MAPKAP1: variants seen among roughly 807,000 people sequenced by gnomAD.
MAPKAP1 encodes the protein target of rapamycin complex 2 subunit MAPKAP1.
Under a neutral mutation model 65.7 loss-of-function variants are expected in MAPKAP1, and 20 were observed. The observed-to-expected ratio is 0.30, with a 90% confidence interval of 0.21 to 0.44. The LOEUF is 0.44. Ranked by LOEUF, MAPKAP1 falls within the 20% of genes least tolerant of loss-of-function variation. MAPKAP1 has a pLI of 1.00. For synonymous variants in MAPKAP1, 222 were observed against 244.3 expected, an observed-to-expected ratio of 0.91 and a Z score of 0.85; for missense variants, 423 against 648.0, an observed-to-expected ratio of 0.65 and a Z score of 3.77.
At chr9:125,664,518 A>C (rs1834281949) in intron 3 of MAPKAP1, among the ~76,000 whole-genome samples, 1 of 151,472 alleles carries the variant, frequency 6.6e-6, no homozygotes, top group African/African-American at 2.4e-5. Flanking sequence ...TGAGGTCAGG[A>C]GTTTGAGACC....
chr9:125,662,359 G>A (rs1166677970), intron 3 of MAPKAP1, among the ~76,000 whole-genome samples: 1 of 152,158 alleles, frequency 6.6e-6, no homozygotes, highest in Non-Finnish European at 1.5e-5. Context: ...TCTAGCCCCG[G>A]TGAGAGTGCA....
chr9:125,665,368 C>G (rs1834310844), intron 3 of MAPKAP1, among the ~76,000 whole-genome samples: 1 of 151,970 alleles, frequency 6.6e-6, no homozygotes, highest in Non-Finnish European at 1.5e-5. Context: ...TACTATATAC[C>G]CTGAGCTGAT....
chr9:125,624,587 A>G (rs1227400009), intron 4 of MAPKAP1, among the ~76,000 whole-genome samples: 1 of 50,226 alleles, frequency 2.0e-5, no homozygotes, highest in Non-Finnish European at 4.0e-5. Flanking sequence ...CCGCCCGGCC[A>G]GCCGCCCCGT....
intron 3 of MAPKAP1, among the ~76,000 whole-genome samples, chr9:125,664,763 A>G (rs1220910239): frequency 6.6e-6 from 1 of 151,476 alleles, no homozygotes; most frequent in Non-Finnish European, 1.5e-5. Context: ...GAACGGAACA[A>G]GAGAACACCA....
intron 4 of MAPKAP1, among the ~76,000 whole-genome samples, chr9:125,585,978 A>G (rs1000710875): frequency 2.1e-4 from 32 of 152,138 alleles, no homozygotes; most frequent in African/African-American, 7.7e-4. Flanking sequence ...AACTAAGAGG[A>G]AAATATGAGT....
At chr9:125,474,978 T>C (rs1277007215) in intron 9 of MAPKAP1, among the ~76,000 whole-genome samples, 2 of 152,196 alleles carry the variant, frequency 1.3e-5, no homozygotes, top group Non-Finnish European at 2.9e-5. Context: ...TTGCTGAATA[T>C]ATACAGCCAA....
At chr9:125,636,074 G>C (rs1222096731) in intron 4 of MAPKAP1, among the ~76,000 whole-genome samples, 1 of 152,148 alleles carries the variant, frequency 6.6e-6, no homozygotes, top group Non-Finnish European at 1.5e-5. Flanking sequence ...TCTCCTAAAG[G>C]ACACACGGCT....
chr9:125,484,658 G>C (rs891774352), intron 8 of MAPKAP1, 75 bp from the exon 9 acceptor site: 2 of 1,444,962 alleles, frequency 1.4e-6, no homozygotes, highest in African/African-American at 2.8e-5. Flanking sequence ...AAATGCTTTG[G>C]GATAAATTAA....
At chr9:125,706,504 T>C (rs941588390) in intron 1 of MAPKAP1, among the ~76,000 whole-genome samples, 1 of 151,972 alleles carries the variant, frequency 6.6e-6, no homozygotes, top group Non-Finnish European at 1.5e-5. Flanking sequence ...AATGACTCCT[T>C]GCCACTCCCA....
chr9:125,627,966 A>G (rs1156992916), intron 4 of MAPKAP1, among the ~76,000 whole-genome samples: 1 of 152,210 alleles, frequency 6.6e-6, no homozygotes, highest in African/African-American at 2.4e-5. Flanking sequence ...ATAATTCTCT[A>G]CGACAAAGGC....
At chr9:125,520,915 C>T (rs936047581) in intron 7 of MAPKAP1, among the ~76,000 whole-genome samples, 1 of 152,154 alleles carries the variant, frequency 6.6e-6, no homozygotes, top group Non-Finnish European at 1.5e-5. Context: ...GAATGGAAGA[C>T]CATCATTGAC....
At chr9:125,625,255 T>TAAAAAAAAAAAAAAAAAAAA (rs58671780) in intron 4 of MAPKAP1, among the ~76,000 whole-genome samples, 2 of 64,710 alleles carry the variant, frequency 3.1e-5, no homozygotes, top group African/African-American at 1.2e-4. Flanking sequence ...AATAAATAAA[T>TAAAAAAAAAAAAAAAAAAAA]AAAAAAAAAA....
intron 5 of MAPKAP1, among the ~76,000 whole-genome samples, chr9:125,571,247 C>T (rs572265615): frequency 9.9e-5 from 15 of 152,112 alleles, no homozygotes; most frequent in Non-Finnish European, 1.9e-4. Context: ...TTTTGTGTGC[C>T]ACAGAAGTAA....
intron 8 of MAPKAP1, among the ~76,000 whole-genome samples, chr9:125,500,397 G>A (rs1828940198): frequency 2.7e-5 from 4 of 150,320 alleles, no homozygotes; most frequent in Admixed American, 2.7e-4. Flanking sequence ...GTTTCACCGT[G>A]TTAGCCAGGA....
intron 7 of MAPKAP1, among the ~76,000 whole-genome samples, chr9:125,522,080 T>A (rs1429496523): frequency 6.6e-6 from 1 of 152,238 alleles, no homozygotes; most frequent in Non-Finnish European, 1.5e-5. Context: ...GATTATTCTT[T>A]GGCTAGCTTG....
intron 4 of MAPKAP1, among the ~76,000 whole-genome samples, chr9:125,599,090 T>C (rs1429110929): frequency 1.3e-5 from 2 of 151,824 alleles, no homozygotes; most frequent in African/African-American, 4.8e-5. Context: ...AGTCCCACAG[T>C]AAATGCTCAA....
At chr9:125,624,521 A>G in intron 4 of MAPKAP1, among the ~76,000 whole-genome samples, 1 of 72,514 alleles carries the variant, frequency 1.4e-5, no homozygotes, top group Non-Finnish European at 3.1e-5. Context: ...GGAAGTGAGG[A>G]GCCCCTCTGC....
At chr9:125,692,445 G>A (rs1202893393) in intron 1 of MAPKAP1, among the ~76,000 whole-genome samples, 3 of 152,198 alleles carry the variant, frequency 2.0e-5, no homozygotes, top group Admixed American at 1.3e-4. Context: ...TTTGGAACAG[G>A]CAAATCCATA....
intron 5 of MAPKAP1, among the ~76,000 whole-genome samples, chr9:125,564,643 A>C (rs1830993957): frequency 6.6e-6 from 1 of 152,040 alleles, no homozygotes; most frequent in African/African-American, 2.4e-5. Context: ...GGAATTATGA[A>C]GGAAGTAACC....
Sources: allele counts gnomAD v4.1 joint callset (sites outside exome capture counted in the v4.1 genomes callset), GRCh38; gene constraint gnomAD v4.1.1; transcripts MANE v1.5; gene names NCBI Gene and HGNC (gene_info 2026-07-23, HGNC 2026-07-21).